GPX6: variants seen among roughly 807,000 people sequenced by gnomAD.
The protein encoded by GPX6 is glutathione peroxidase 6 (olfactory).
A neutral mutation model predicts 20.0 loss-of-function variants in GPX6; 21 were observed. That is an observed-to-expected ratio of 1.05 (90% confidence interval 0.74 to 1.51). The LOEUF (loss-of-function observed/expected upper bound fraction) is 1.51. Ranked by LOEUF, GPX6 falls within the 40% of genes most tolerant of loss-of-function variation. The pLI, the probability that GPX6 is intolerant of heterozygous loss-of-function variation, is 0.00. For synonymous variants in GPX6, 75 were observed against 98.0 expected, an observed-to-expected ratio of 0.77 and a Z score of 1.38; for missense variants, 233 against 254.7, an observed-to-expected ratio of 0.91 and a Z score of 0.58.
chr6:28,504,120 A>G lies in GPX6; in HGVS notation c.*172T>C. The G allele has an allele frequency of 1.6e-6, 1 of 617,812 alleles. No individual in the cohort carries two copies. Among genetic ancestry groups the G allele is most frequent in the East Asian group, 2.7e-5 (1 of 36,498 alleles). The allele number at this position is 617,812 out of a possible 1,614,324, so 38.3% of individuals were successfully genotyped here. On this transcript the variant is annotated 3_prime_UTR_variant, in exon 5 of 5. Transcript: ENST00000361902. Reference sequence around the variant, plus strand: ...TCCATACACACACACACACACACACACACAGCTACACACACATGCTAAGCA... The same window carrying G: ...TCCATACACACACACACACACACACGCACAGCTACACACACATGCTAAGCA...
intron 1 of GPX6, among the ~76,000 whole-genome samples, chr6:28,513,469 G>A (rs541750823): frequency 1.3e-5 from 2 of 152,272 alleles, no homozygotes; most frequent in Non-Finnish European, 2.9e-5. Flanking sequence ...CGAGCCACAC[G>A]CCCCGTCGCA....
At chr6:28,513,389 C>A (rs1051970741) in intron 1 of GPX6, among the ~76,000 whole-genome samples, 54 of 152,300 alleles carry the variant, frequency 3.5e-4, no homozygotes, top group African/African-American at 1.3e-3. Context: ...GGTTGGAGCT[C>A]CACAATCTGC....
chr6:28,512,552 C>T (rs1193139857), intron 1 of GPX6, among the ~76,000 whole-genome samples: 1 of 152,180 alleles, frequency 6.6e-6, no homozygotes, highest in Non-Finnish European at 1.5e-5. Context: ...CCACTCGGCT[C>T]TCTGTAAAAT....
intron 2 of GPX6, among the ~76,000 whole-genome samples, chr6:28,508,066 A>G (rs1386012089): frequency 2.0e-5 from 3 of 152,262 alleles, no homozygotes; most frequent in Non-Finnish European, 4.4e-5. Flanking sequence ...GGTTGCCTAA[A>G]GAGAAGGGAA....
At chr6:28,512,822 C>T (rs972929094) in intron 1 of GPX6, among the ~76,000 whole-genome samples, 2 of 151,916 alleles carry the variant, frequency 1.3e-5, no homozygotes, top group African/African-American at 2.4e-5. Flanking sequence ...ACTCCAGACG[C>T]GCTGCCTTAA....
chr6:28,510,677 G>A, intron 2 of GPX6, 74 bp downstream of exon 2: 11 of 1,502,212 alleles, frequency 7.3e-6, no homozygotes, highest in Non-Finnish European at 1.0e-5. Flanking sequence ...TAACACATTG[G>A]TAAAACCTTC....
intron 2 of GPX6, among the ~76,000 whole-genome samples, 200 bp from the exon 3 acceptor site, chr6:28,506,629 T>A (rs1762808943): frequency 6.7e-6 from 1 of 150,008 alleles, no homozygotes; most frequent in African/African-American, 2.4e-5. Context: ...TCTGAATGGC[T>A]GCTGTTTTTC....
chr6:28,511,939 C>T (rs1253557741), intron 1 of GPX6, among the ~76,000 whole-genome samples: 1 of 151,542 alleles, frequency 6.6e-6, no homozygotes, highest in African/African-American at 2.4e-5. Context: ...TCGGAGCGGC[C>T]AGCCGGCCCC....
chr6:28,511,009 A>G, intron 1 of GPX6, 105 bp from the exon 2 acceptor site: 1 of 984,670 alleles, frequency 1.0e-6, no homozygotes, highest in Non-Finnish European at 1.4e-6. Flanking sequence ...AATATCTTGA[A>G]ATTCTAAGAA....
Position 28,504,261 on chromosome 6 carries a change from G to C in GPX6, c.*31C>G. On this transcript the variant is annotated 3_prime_UTR_variant, in exon 5 of 5. Transcript: ENST00000361902. Reference sequence around the variant, plus strand: ...AGACATTCCTGCAGGTGGGAGACAGGGTAGTTATTTCTGTCAGTCGCTAGC... The same window carrying C: ...AGACATTCCTGCAGGTGGGAGACAGCGTAGTTATTTCTGTCAGTCGCTAGC... 1 of 1,579,944 alleles carries C rather than the reference G, an allele frequency of 6.3e-7. No individual in the cohort carries two copies. Among genetic ancestry groups the C allele is most frequent in the Non-Finnish European group, 8.7e-7 (1 of 1,149,386 alleles).
intron 1 of GPX6, among the ~76,000 whole-genome samples, chr6:28,511,990 G>C (rs144854876): frequency 0.013 from 1,921 of 152,386 alleles, 21 homozygotes; most frequent in Non-Finnish European, 0.021. Flanking sequence ...CAGCTGCTGT[G>C]CTCGACTTCT....
intron 2 of GPX6, among the ~76,000 whole-genome samples, chr6:28,510,095 A>C (rs1762846600): frequency 6.6e-6 from 1 of 152,244 alleles, no homozygotes; most frequent in African/African-American, 2.4e-5. Context: ...AGTTTCATAC[A>C]AACAATATCA....
intron 1 of GPX6, among the ~76,000 whole-genome samples, chr6:28,513,569 A>G (rs9461464): frequency 0.058 from 8,842 of 152,206 alleles, 651 homozygotes; most frequent in African/African-American, 0.18. Flanking sequence ...ATTGTGGTGA[A>G]ACAGCCTGAA....
rs1397905933 is a variant in GPX6, at chr6:28,504,097, C to T, written c.*195G>A. The T allele has an allele frequency of 5.2e-6, 3 of 576,466 alleles. No individual in the cohort carries two copies. The African/African-American group carries it at 6.2e-5, about 12-fold the overall frequency. The allele number at this position is 576,466 out of a possible 1,614,324, so 35.7% of individuals were successfully genotyped here. On this transcript the variant is annotated 3_prime_UTR_variant, in exon 5 of 5. Transcript: ENST00000361902. ...ACCAACAAATACAATTCTACATATC[C>T]ATACACACACACACACACACACACA...
At chr6:28,507,971 T>G (rs1396938400) in intron 2 of GPX6, among the ~76,000 whole-genome samples, 1 of 152,212 alleles carries the variant, frequency 6.6e-6, no homozygotes, top group Non-Finnish European at 1.5e-5. Flanking sequence ...GTGTATGTGC[T>G]TGAGAGAAAG....
chr6:28,511,450 G>A (rs1209558586), intron 1 of GPX6, among the ~76,000 whole-genome samples: 1 of 152,198 alleles, frequency 6.6e-6, no homozygotes, highest in South Asian at 2.1e-4. Flanking sequence ...GAGAAAGGCG[G>A]GTACCTAACT....
In GPX6 at chr6:28,510,807, T is replaced by G; in HGVS notation, c.185A>C (p.Lys62Thr). The G allele has an allele frequency of 6.2e-7, 1 of 1,614,190 alleles. No individual in the cohort carries two copies. The highest frequency in any genetic ancestry group is 8.5e-7 in the Non-Finnish European group (1 of 1,180,022). ...EYIQFKQFAG[K>T]HVLFVNVAAY... ...GGCCACATTGACAAACAGGACGTGC[T>G]TGCCTGCAAACTGCTTGAATTGGAT... is the stretch of plus-strand genomic sequence containing the variant. Residue 62 changes from lysine to threonine, a missense_variant, in exon 2 of 5, where the codon AAG becomes ACG. Transcript: ENST00000361902.
At chr6:28,515,632 C>T in intron 1 of GPX6, 25 bp downstream of exon 1, 2 of 1,597,284 alleles carry the variant, frequency 1.3e-6, no homozygotes, top group Non-Finnish European at 1.7e-6. Flanking sequence ...CTGGAATCAG[C>T]TCGGATCCCC....
At chr6:28,513,565 G>C (rs947619661) in intron 1 of GPX6, among the ~76,000 whole-genome samples, 2 of 152,100 alleles carry the variant, frequency 1.3e-5, no homozygotes, top group Non-Finnish European at 2.9e-5. Context: ...TTATATTGTG[G>C]TGAAACAGCC....
Sources: gnomAD v4.1 joint callset for allele counts (sites outside exome capture counted in the v4.1 genomes callset) on GRCh38, gnomAD v4.1.1 for gene constraint, MANE v1.5 for transcripts, NCBI Gene and HGNC (gene_info 2026-07-23, HGNC 2026-07-21) for gene names.